KIFC1: variants seen among roughly 807,000 people sequenced by gnomAD.
The protein encoded by KIFC1 is kinesin family member C1.
KIFC1 carries 37 observed loss-of-function variants against 66.6 expected under a neutral mutation model. The observed-to-expected ratio is 0.56, with a 90% CI of 0.43 to 0.73. KIFC1 has a LOEUF of 0.73. Ranked by LOEUF, KIFC1 falls within the 30% of genes least tolerant of loss-of-function variation. KIFC1 has a pLI of 0.00. For missense variants in KIFC1, 721 were observed against 859.8 expected, an observed-to-expected ratio of 0.84 and a Z score of 2.02; for synonymous variants, 325 against 343.5, an observed-to-expected ratio of 0.95 and a Z score of 0.60.
chr6:33,396,458 G>C (rs924177768), intron 1 of KIFC1, among the ~76,000 whole-genome samples: 1 of 102,500 alleles, frequency 9.8e-6, no homozygotes, highest in African/African-American at 4.8e-5. Context: ...TTTTTTTTGA[G>C]ACAGGATCTC....
At chr6:33,396,987 C>CTTTTTTTTTTTT (rs9282514) in intron 1 of KIFC1, among the ~76,000 whole-genome samples, 1 of 89,226 alleles carries the variant, frequency 1.1e-5, no homozygotes, top group Non-Finnish European at 2.1e-5. Context: ...TGGCCAAGTT[C>CTTTTTTTTTTTT]TTTTTTTTTT....
intron 1 of KIFC1, among the ~76,000 whole-genome samples, chr6:33,395,417 G>C (rs545174246): frequency 1.3e-5 from 2 of 152,300 alleles, no homozygotes; most frequent in African/African-American, 4.8e-5. Flanking sequence ...CCAGGATTTG[G>C]TGAGGAGGGA....
chr6:33,399,566 G>A (rs1053233609), intron 3 of KIFC1, among the ~76,000 whole-genome samples: 2 of 152,298 alleles, frequency 1.3e-5, no homozygotes, highest in South Asian at 2.1e-4. Flanking sequence ...GGCTATCTGC[G>A]ATAGCCTATT....
In KIFC1 at chr6:33,409,682, A is replaced by G. The variant is rs747030972; in HGVS notation, c.2014A>G (p.Arg672Gly). The G allele has an allele frequency of 6.2e-7, 1 of 1,603,758 alleles. No individual in the cohort carries two copies. The highest frequency in any genetic ancestry group is 1.4e-5 in the African/African-American group (1 of 73,300). The change falls in exon 11 of 11, where the codon AGG (arginine) becomes GGG (glycine). Residue 672 changes from arginine (R) to glycine (G), a missense_variant. Coordinates refer to ENST00000428849, the MANE Select transcript of KIFC1 (RefSeq NM_002263.4). Reference protein sequence around the residue: ...QCVIGTAQANRK With the variant: ...QCVIGTAQANGK ...TGTTATTGGTACTGCTCAGGCCAAC[A>G]GGAAGTGAAGACGGATCCAGATCTG...
chr6:33,391,908 A>T lies in KIFC1; in HGVS notation c.-78A>T. ...CTACCCTGCTTCGCGAGCGGGCGAG[A>T]GAACGCGAGTCCCAGGATCCCCGGC... is the stretch of plus-strand genomic sequence containing the variant. On this transcript the variant is annotated 5_prime_UTR_variant, in exon 1 of 11. Coordinates refer to ENST00000428849, the MANE Select transcript of KIFC1 (RefSeq NM_002263.4). 1 of 1,572,640 alleles carries T rather than the reference A, an allele frequency of 6.4e-7. No individual in the cohort carries two copies. Among genetic ancestry groups the T allele is most frequent in the Non-Finnish European group, 8.7e-7 (1 of 1,143,744 alleles).
rs775812663 is a variant in KIFC1, at chr6:33,403,711, T to C, written c.356-18T>C. 8 of 1,607,402 alleles carry C rather than the reference T, an allele frequency of 5.0e-6. No homozygotes were observed. The South Asian group carries it at 5.5e-5, about 11-fold the overall frequency. ...GCCTAGACTTCACTGACCTTTGTCC[T>C]TTCTGTGTTCATCTTAGCATCAGGT... On this transcript the variant is annotated intron_variant, in intron 5 of 10. Coordinates refer to ENST00000428849, the MANE Select transcript of KIFC1 (RefSeq NM_002263.4). This position sits in a 1 kb window ranked among gnomAD's most constrained non-coding sequence, Gnocchi z 4.6.
Position 33,398,050 on chromosome 6 carries a change from A to G in KIFC1, c.34A>G (p.Lys12Glu). Residue 12 changes from lysine (K) to glutamate (E), a missense_variant, in exon 2 of 11, where the codon AAG becomes GAG. Transcript: ENST00000428849. ...ACAGAGGTCCCCCCTATTGGAAGTA[A>G]AGGGGAACATAGAACTGAAGAGACC... The part of the protein sequence containing the change: ...DPQRSPLLEV[K>E]GNIELKRPLI... The G allele has an allele frequency of 6.2e-7, 1 of 1,614,030 alleles. No homozygotes were observed. The highest frequency in any genetic ancestry group is 1.1e-5 in the South Asian group (1 of 91,076).
At chr6:33,392,686 T>TCTC (rs3066472) in intron 1 of KIFC1, among the ~76,000 whole-genome samples, 141,451 of 152,178 alleles carry the variant, frequency 0.93, 65,863 homozygotes, top group East Asian at 1. Context: ...CCAGGAAAGG[T>TCTC]CTGCCTGAAT....
In KIFC1 at chr6:33,405,172, C is replaced by G. The variant is rs1441146848; in HGVS notation, c.1077C>G (p.Thr359=). ...CCCGGTCTGACGAGCGGCGTGGGAC[C>G]CTGAGTGGGGCACCAGCTCCCCCAA... ...SLSRSDERRG[T]LSGAPAPPTR... is the part of the protein sequence containing the mutation. The change falls in exon 7 of 11, where the codon ACC becomes ACG. Residue 359 remains threonine (T), a synonymous_variant. Transcript: ENST00000428849. The surrounding 1 kb of genome is among the most constrained non-coding windows in gnomAD (Gnocchi z 5.4). 1 of 1,614,156 alleles carries G rather than the reference C, an allele frequency of 6.2e-7. No homozygotes were observed. Among genetic ancestry groups the G allele is most frequent in the South Asian group, 1.1e-5 (1 of 91,090 alleles).
chr6:33,403,909 A>C lies in KIFC1; in HGVS notation c.536A>C (p.Lys179Thr). Reference protein sequence around the residue: ...DQLRDAQQQVKALGTERTTLE... With the variant: ...DQLRDAQQQVTALGTERTTLE... ...CTCAGAGATGCCCAGCAGCAGGTCA[A>C]GGCCCTGGGGACAGAGCGCACAACA... Residue 179 changes from lysine to threonine, a missense_variant, in exon 6 of 11, where the codon AAG (lysine) becomes ACG (threonine). Coordinates refer to ENST00000428849, the MANE Select transcript of KIFC1 (RefSeq NM_002263.4). The surrounding 1 kb of genome is among the most constrained non-coding windows in gnomAD (Gnocchi z 4.6). 6.2e-7 allele frequency: 1 copy of C among 1,614,252 alleles called. No individual in the cohort carries two copies.
At chr6:33,396,186 A>G (rs1348806053) in intron 1 of KIFC1, among the ~76,000 whole-genome samples, 4 of 152,236 alleles carry the variant, frequency 2.6e-5, no homozygotes, top group Non-Finnish European at 2.9e-5. Context: ...ATCTCACTGT[A>G]TCACGGGTAG....
chr6:33,393,356 G>T (rs929584258), intron 1 of KIFC1, among the ~76,000 whole-genome samples: 1 of 151,994 alleles, frequency 6.6e-6, no homozygotes, highest in African/African-American at 2.4e-5. Context: ...GAGTGAGATG[G>T]GGAATCATTG....
chr6:33,394,292 A>G (rs1467104832), intron 1 of KIFC1, among the ~76,000 whole-genome samples: 1 of 152,188 alleles, frequency 6.6e-6, no homozygotes, highest in Non-Finnish European at 1.5e-5. Flanking sequence ...GATTCTGGAT[A>G]TATTTTGAAG....
intron 1 of KIFC1, among the ~76,000 whole-genome samples, chr6:33,395,727 G>A (rs1774999727): frequency 6.6e-6 from 1 of 152,192 alleles, no homozygotes; most frequent in African/African-American, 2.4e-5. Flanking sequence ...CTACGGTAGT[G>A]TAGAGAGGAG....
Position 33,404,832 on chromosome 6 carries a change from T to C in KIFC1, c.757-20T>C. The C allele has an allele frequency of 6.3e-7, 1 of 1,582,398 alleles. No homozygotes were observed. Among genetic ancestry groups the C allele is most frequent in the Non-Finnish European group, 8.6e-7 (1 of 1,162,418 alleles). On this transcript the variant is annotated intron_variant, in intron 6 of 10. Transcript: ENST00000428849. This position sits in a 1 kb window ranked among gnomAD's most constrained non-coding sequence, Gnocchi z 4.0. ...GGTTGCATCTTACCCTCTGTGTATG[T>C]TGTGTTCTCTTCTGGGCAGAGGAGG...
chr6:33,392,272 T>G (rs1010484391), intron 1 of KIFC1, among the ~76,000 whole-genome samples: 3 of 152,234 alleles, frequency 2.0e-5, no homozygotes, highest in African/African-American at 7.2e-5. Context: ...ATTTCTCATT[T>G]CGAATTCTCA....
chr6:33,404,773 C>T lies in KIFC1; in HGVS notation c.757-79C>T, dbSNP rs1775553998. ...TTTGAGCAGGGACCTCACTTCCACC[C>T]ACTCCATACGCCCCACAGTTTGTTC... On this transcript the variant is annotated intron_variant, in intron 6 of 10. Transcript: ENST00000428849. The surrounding 1 kb of genome is among the most constrained non-coding windows in gnomAD (Gnocchi z 4.0). 1 of 1,370,966 alleles carries T rather than the reference C, an allele frequency of 7.3e-7. No individual in the cohort carries two copies. Among genetic ancestry groups the T allele is most frequent in the Non-Finnish European group, 1.0e-6 (1 of 1,000,998 alleles). 84.9% of individuals were successfully genotyped at this position (1,370,966 alleles called of 1,614,324 possible).
In KIFC1 at chr6:33,400,355, G is replaced by A. The variant is rs576924897; in HGVS notation, c.250+1968G>A. 3.1e-6 allele frequency: 5 copies of A among 1,592,530 alleles called. No homozygotes were observed. The East Asian group carries it at 1.1e-4, about 36-fold the overall frequency. ...GAAGGCACCACCTCAATCTGGGCCTGTCTGTTCTCAATGGTCAGTTTCACT... is the reference window on the plus strand; with the variant it reads ...GAAGGCACCACCTCAATCTGGGCCTATCTGTTCTCAATGGTCAGTTTCACT... On this transcript the variant is annotated intron_variant, in intron 3 of 10. Transcript: ENST00000428849. This position sits in a 1 kb window ranked among gnomAD's most constrained non-coding sequence, Gnocchi z 4.3.
rs368661018 is a variant in KIFC1 at position 33,405,422 on chromosome 6, T to G, written c.1327T>G (p.Ser443Ala). Residue 443 changes from serine to alanine, a missense_variant, in exon 7 of 11, where the codon TCT becomes GCT. Ser to Ala is a moderately conservative substitution (Grantham distance 99). Coordinates refer to ENST00000428849, the MANE Select transcript of KIFC1 (RefSeq NM_002263.4). This position sits in a 1 kb window ranked among gnomAD's most constrained non-coding sequence, Gnocchi z 5.4. ...LIPRALRHLFSVAQELSGQGW... is the reference protein window; with the variant it reads ...LIPRALRHLFAVAQELSGQGW... ...CCCTCGGGCCCTGCGGCACCTCTTC[T>G]CTGTGGCTCAGGAGCTGAGTGGTCA... The G allele has an allele frequency of 3.1e-6, 5 of 1,604,506 alleles. No homozygotes were observed. Among genetic ancestry groups the G allele is most frequent in the Non-Finnish European group, 4.3e-6 (5 of 1,173,902 alleles).
Sources: allele counts gnomAD v4.1 joint callset (sites outside exome capture counted in the v4.1 genomes callset), GRCh38; gene constraint gnomAD v4.1.1; non-coding constraint Gnocchi (gnomAD v3.1); transcripts MANE v1.5; gene names NCBI Gene and HGNC (gene_info 2026-07-23, HGNC 2026-07-21).